Variants in SCAPER observed in about 807,000 individuals in gnomAD.
SCAPER encodes S-phase cyclin A associated protein in the ER.
A neutral mutation model predicts 182.2 loss-of-function variants in SCAPER; 98 were observed. That is an observed-to-expected ratio of 0.54 (90% CI 0.46 to 0.64). The LOEUF is 0.64. Ranked by LOEUF, SCAPER falls within the 30% of genes least tolerant of loss-of-function variation. SCAPER has a pLI of 0.00. For missense variants in SCAPER, 1,432 were observed against 1,690.0 expected (o/e 0.85, Z 2.68); for synonymous variants, 605 against 564.6 (o/e 1.07, Z -1.01).
chr15:76,785,644 T>G (rs1371549298), intron 8 of SCAPER, among the ~76,000 whole-genome samples: 1 of 152,142 alleles, frequency 6.6e-6, no homozygotes, highest in African/African-American at 2.4e-5. Flanking sequence ...CAATCAATGA[T>G]AGACTGGATT....
At chr15:76,769,268 C>G (rs1349787972) in intron 10 of SCAPER, among the ~76,000 whole-genome samples, 1 of 151,138 alleles carries the variant, frequency 6.6e-6, no homozygotes, top group Non-Finnish European at 1.5e-5. Flanking sequence ...TGGTGAAACC[C>G]CGTTTCTACT....
chr15:76,536,257 G>A (rs1413742600), intron 23 of SCAPER, among the ~76,000 whole-genome samples: 1 of 152,080 alleles, frequency 6.6e-6, no homozygotes, highest in Non-Finnish European at 1.5e-5. Flanking sequence ...TACTCAGGAG[G>A]CTGAGGCAGG....
chr15:76,836,837 G>A (rs1432878192), intron 5 of SCAPER, among the ~76,000 whole-genome samples: 7 of 152,126 alleles, frequency 4.6e-5, no homozygotes, highest in Non-Finnish European at 8.8e-5. Context: ...TCTCACCATT[G>A]CACTCCAGCC....
intron 23 of SCAPER, among the ~76,000 whole-genome samples, chr15:76,540,623 G>T (rs1255539478): frequency 6.6e-6 from 1 of 151,820 alleles, no homozygotes; most frequent in African/African-American, 2.4e-5. Flanking sequence ...TGTTAAAATT[G>T]TTATGTCTGA....
chr15:76,832,291 T>C (rs1159245611), intron 5 of SCAPER, among the ~76,000 whole-genome samples: 1 of 152,166 alleles, frequency 6.6e-6, no homozygotes, highest in Non-Finnish European at 1.5e-5. Context: ...AGAACCAAAC[T>C]GAACTTCTGG....
intron 17 of SCAPER, among the ~76,000 whole-genome samples, chr15:76,707,373 T>C (rs1265071045): frequency 1.3e-5 from 2 of 151,828 alleles, no homozygotes; most frequent in Non-Finnish European, 2.9e-5. Context: ...CCCAACTATA[T>C]ACAGCCTACA....
At chr15:76,859,726 T>G (rs551761527) in intron 3 of SCAPER, among the ~76,000 whole-genome samples, 4 of 152,006 alleles carry the variant, frequency 2.6e-5, no homozygotes, top group Non-Finnish European at 5.9e-5. Flanking sequence ...TTTTGGGTTT[T>G]GTTTTGTTTT....
chr15:76,756,833 A>C (rs759577879), intron 14 of SCAPER, among the ~76,000 whole-genome samples: 1 of 152,220 alleles, frequency 6.6e-6, no homozygotes, highest in Non-Finnish European at 1.5e-5. Context: ...TTTCAGAAAA[A>C]GAAACTGAAA....
chr15:76,671,784 A>ATC (rs2057035236), intron 20 of SCAPER, among the ~76,000 whole-genome samples: 4 of 151,900 alleles, frequency 2.6e-5, no homozygotes, highest in Non-Finnish European at 4.4e-5. Flanking sequence ...AAAAAAAAGA[A>ATC]GTGAGGGTGG....
chr15:76,376,545 G>A (rs146309986), intron 28 of SCAPER, among the ~76,000 whole-genome samples: 19 of 152,300 alleles, frequency 1.2e-4, no homozygotes, highest in Admixed American at 3.3e-4. Context: ...CCTGTACCAC[G>A]TGGATCAAGA....
chr15:76,457,294 A>G (rs2048812754), intron 25 of SCAPER, among the ~76,000 whole-genome samples: 1 of 151,840 alleles, frequency 6.6e-6, no homozygotes. Context: ...CGATCTCCTG[A>G]CCTTGTGATC....
chr15:76,447,836 C>G (rs1295195669), intron 25 of SCAPER, among the ~76,000 whole-genome samples: 1 of 152,148 alleles, frequency 6.6e-6, no homozygotes, highest in Non-Finnish European at 1.5e-5. Context: ...CCAGAGTTCA[C>G]AGGTAAGTAA....
At chr15:76,776,609 C>T (rs1598658417) in intron 8 of SCAPER, among the ~76,000 whole-genome samples, 1 of 152,282 alleles carries the variant, frequency 6.6e-6, no homozygotes, top group African/African-American at 2.4e-5. Flanking sequence ...GGGATTCCCC[C>T]TTTCCTTTTC....
intron 23 of SCAPER, among the ~76,000 whole-genome samples, chr15:76,544,597 A>G (rs2045084008): frequency 6.6e-6 from 1 of 152,208 alleles, no homozygotes; most frequent in Non-Finnish European, 1.5e-5. Context: ...ATTCATATAA[A>G]ATGTCCAGAA....
At chr15:76,387,131 G>T (rs1444886137) in intron 27 of SCAPER, among the ~76,000 whole-genome samples, 1 of 152,196 alleles carries the variant, frequency 6.6e-6, no homozygotes, top group Non-Finnish European at 1.5e-5. Context: ...TGATAAATTG[G>T]ATGTGGGTGT....
At chr15:76,886,966 CAT>C (rs1006568407) in intron 1 of SCAPER, among the ~76,000 whole-genome samples, 4 of 152,076 alleles carry the variant, frequency 2.6e-5, no homozygotes, top group Non-Finnish European at 5.9e-5. Context: ...CACATGGACA[CAT>C]AGAGGGGAAC....
intron 21 of SCAPER, among the ~76,000 whole-genome samples, chr15:76,657,082 C>T (rs1421331205): frequency 6.6e-6 from 1 of 151,986 alleles, no homozygotes; most frequent in Non-Finnish European, 1.5e-5. Context: ...GAGAAAAAAT[C>T]ATGCAAATGA....
intron 23 of SCAPER, among the ~76,000 whole-genome samples, chr15:76,517,630 C>T (rs1023734137): frequency 3.9e-5 from 6 of 152,096 alleles, no homozygotes; most frequent in African/African-American, 1.2e-4. Flanking sequence ...GAATTACAAG[C>T]GTAAGCCACC....
At position 76,553,743 on chromosome 15, in the gene SCAPER, A is replaced by G. The variant is rs187952844; in HGVS notation, c.2838+20415T>C. Among the ~76,000 whole-genome samples, 69 of 152,264 alleles carry G rather than the reference A, an allele frequency of 4.5e-4. No individual in the cohort carries two copies. In the East Asian group the frequency reaches 0.013, roughly 29 times the overall value. On this transcript the variant is annotated intron_variant, in intron 23 of 31. Transcript: ENST00000563290. ...GAGCCTTGGCCCTTTGAAATCTTCC[A>G]GAATCAAAGCCAGTCAACAGAACCC...
Sources: gnomAD v4.1 joint callset for allele counts (sites outside exome capture counted in the v4.1 genomes callset) on GRCh38, gnomAD v4.1.1 for gene constraint, MANE v1.5 for transcripts, NCBI Gene and HGNC (gene_info 2026-07-23, HGNC 2026-07-21) for gene names.